The following ZBTB38 variants were observed in gnomAD, a reference collection of about 807,000 sequenced individuals.
The protein encoded by ZBTB38 is zinc finger and BTB domain-containing protein 38.
Under a neutral mutation model 76.8 loss-of-function variants are expected in ZBTB38, and 20 were observed. That is an observed-to-expected ratio of 0.26 (90% CI 0.18 to 0.38). The LOEUF (loss-of-function observed/expected upper bound fraction) is 0.38. ZBTB38 is among the 10% of genes least tolerant of loss of function. The pLI, the probability that ZBTB38 is intolerant of heterozygous loss-of-function variation, is 1.00. For synonymous variants in ZBTB38, 504 were observed against 544.2 expected (o/e 0.93, Z 1.03); for missense variants, 1,082 against 1,482.3 (o/e 0.73, Z 4.43).
chr3:141,332,300 C>T (rs1942878897), intron 1 of ZBTB38, among the ~76,000 whole-genome samples: 1 of 152,204 alleles, frequency 6.6e-6, no homozygotes, highest in Non-Finnish European at 1.5e-5. Flanking sequence ...TGAGTGCACC[C>T]AGACAGTTCC....
Position 141,413,304 on chromosome 3 carries a change from C to T in ZBTB38, c.-1+9273C>T, listed in dbSNP as rs547709221. ...CTGCAGGAGGTCCTCACACCCCAGA[C>T]GGTCAGAATGCTCCCCAGACTGAGG... is the stretch of plus-strand genomic sequence containing the variant. On this transcript the variant is annotated intron_variant, in intron 5 of 5. Coordinates refer to ENST00000321464, the MANE Select transcript of ZBTB38 (RefSeq NM_001376113.1). This position sits in a 1 kb window ranked among gnomAD's most constrained non-coding sequence, Gnocchi z 4.1. Among the ~76,000 whole-genome samples, 20 of 152,306 alleles carry T rather than the reference C, an allele frequency of 1.3e-4. No homozygotes were observed. The East Asian group carries it at 3.1e-3, about 23-fold the overall frequency.
At chr3:141,352,047 C>G (rs1559917223) in intron 1 of ZBTB38, among the ~76,000 whole-genome samples, 1 of 152,068 alleles carries the variant, frequency 6.6e-6, no homozygotes, top group Non-Finnish European at 1.5e-5. Flanking sequence ...TTCATTTACC[C>G]AATAAATATG....
At chr3:141,365,255 T>C (rs1943932607), upstream of ZBTB38, among the ~76,000 whole-genome samples, 1 of 152,254 alleles carries the variant, frequency 6.6e-6, no homozygotes, top group African/African-American at 2.4e-5. Context: ...GTTCATTTGC[T>C]GTTGCTTAAA....
rs1305472076 is a variant in ZBTB38, at chr3:141,444,338, A to C, written c.1950A>C (p.Ala650=). 1.2e-6 allele frequency: 2 copies of C among 1,614,236 alleles called. No individual in the cohort carries two copies. Among genetic ancestry groups the C allele is most frequent in the Non-Finnish European group, 1.7e-6 (2 of 1,180,040 alleles). ...CCACTTCTGCCAATGTACAAAATGC[A>C]GAGGGTACCAAATGGGGAGAGGAGG... ...DIPTSANVQN[A]EGTKWGEEAL... The change falls in exon 6 of 6, where the codon GCA becomes GCC. Residue 650 remains alanine, a synonymous_variant. Transcript: ENST00000321464. The surrounding 1 kb of genome is among the most constrained non-coding windows in gnomAD (Gnocchi z 5.1).
intron 1 of ZBTB38, among the ~76,000 whole-genome samples, chr3:141,344,794 C>A (rs1480560545): frequency 6.6e-6 from 1 of 152,226 alleles, no homozygotes; most frequent in Non-Finnish European, 1.5e-5. Context: ...TTATATTATG[C>A]TTATTCAGAT....
chr3:141,399,453 CACA>C (rs1469542300), intron 4 of ZBTB38, among the ~76,000 whole-genome samples: 6 of 152,190 alleles, frequency 3.9e-5, no homozygotes, highest in Non-Finnish European at 7.3e-5. Context: ...ACACATCACA[CACA>C]ACAAGTAGCC....
At chr3:141,427,934 G>A (rs1036634329) in intron 5 of ZBTB38, 1 of 152,214 alleles carries the variant, frequency 6.6e-6, no homozygotes, top group African/African-American at 2.4e-5. Flanking sequence ...TGGGCTGTGG[G>A]GCAGACACAG....
In ZBTB38 at chr3:141,355,435, G is replaced by A. The variant is rs143135485; in HGVS notation, c.-738-13186G>A. 2.4e-3 allele frequency among the ~76,000 whole-genome samples: 362 copies of A among 152,156 alleles called. 3 individuals are homozygous for A. Among genetic ancestry groups the A allele is most frequent in the African/African-American group, 8.3e-3 (343 of 41,498 alleles). ...TGATTCATAGACCGTGGTGGTTGTC[G>A]TGGTAACCGCTACTCCTGCTACTCC... On this transcript the variant is annotated intron_variant, in intron 1 of 7. Transcript: ENST00000509842.
chr3:141,407,291 A>C (rs1954882637), intron 5 of ZBTB38, among the ~76,000 whole-genome samples: 1 of 152,236 alleles, frequency 6.6e-6, no homozygotes, highest in Non-Finnish European at 1.5e-5. Flanking sequence ...AGATAAATCT[A>C]GTTTCACAAC....
intron 1 of ZBTB38, among the ~76,000 whole-genome samples, chr3:141,369,671 A>G (rs1308309763): frequency 6.6e-6 from 1 of 152,194 alleles, no homozygotes; most frequent in Non-Finnish European, 1.5e-5. Flanking sequence ...TCTGTTCTTC[A>G]GAAATTCTAT....
chr3:141,425,293 C>A (rs1433401315), intron 5 of ZBTB38, among the ~76,000 whole-genome samples: 1 of 152,166 alleles, frequency 6.6e-6, no homozygotes, highest in Non-Finnish European at 1.5e-5. Context: ...TTTTCTATGC[C>A]CCCATCATAT....
intron 5 of ZBTB38, among the ~76,000 whole-genome samples, chr3:141,423,723 A>T (rs1054171724): frequency 1.3e-5 from 2 of 152,244 alleles, no homozygotes; most frequent in South Asian, 4.1e-4. Flanking sequence ...CACAATAAAC[A>T]TGCCAAATCC....
rs757177732 is a variant in ZBTB38, at chr3:141,445,051, C to T, written c.2663C>T (p.Pro888Leu). ...GACCCAGAACCCAGTGGAGACAGCC[C>T]ACTCGGGCTTTGCCAATCCGAGTGC... ...GNDPEPSGDSPLGLCQSECME... is the reference protein window; with the variant it reads ...GNDPEPSGDSLLGLCQSECME... The change falls in exon 6 of 6, where the codon CCA (proline) becomes CTA (leucine). Residue 888 changes from proline (P) to leucine (L), a missense_variant. Physicochemically the swap from Pro to Leu is moderately conservative, Grantham distance 98 (BLOSUM62 -3). This residue lies in a region of ZBTB38 where 471 missense variants were observed against 581.0 expected (regional missense o/e 0.81). Coordinates refer to ENST00000321464, the MANE Select transcript of ZBTB38 (RefSeq NM_001376113.1). The surrounding 1 kb of genome is among the most constrained non-coding windows in gnomAD (Gnocchi z 6.5). The T allele has an allele frequency of 1.9e-6, 3 of 1,614,180 alleles. No homozygotes were observed. In the Admixed American group the frequency reaches 5.0e-5, roughly 27 times the overall value.
rs117018339 is a variant in ZBTB38, at chr3:141,385,550, G to A, written c.-171-1322G>A. Among the ~76,000 whole-genome samples, 1,282 of 152,048 alleles carry A rather than the reference G, an allele frequency of 8.4e-3. 12 individuals are homozygous for A. Among genetic ancestry groups the A allele is most frequent in the Non-Finnish European group, 0.014 (962 of 67,992 alleles). ...GTGACACTGGTTTTGCAGCAAAACC[G>A]TATTTGCTTATTAGGCATTTCTTAA... On this transcript the variant is annotated intron_variant, in intron 3 of 5. Coordinates refer to ENST00000321464, the MANE Select transcript of ZBTB38 (RefSeq NM_001376113.1).
At position 141,444,360 on chromosome 3, in the gene ZBTB38, G is replaced by C. The variant is rs2080801984; in HGVS notation, c.1972G>C (p.Glu658Gln). ...TGCAGAGGGTACCAAATGGGGAGAG[G>C]AGGCATTGAAAATGGATCTTGACAA... is the stretch of plus-strand genomic sequence containing the variant. The part of the protein sequence containing the change: ...QNAEGTKWGE[E>Q]ALKMDLDNNF... Residue 658 changes from glutamate to glutamine, a missense_variant, in exon 6 of 6, where the codon GAG (glutamate) becomes CAG (glutamine). This residue lies in a region of ZBTB38 where 471 missense variants were observed against 581.0 expected (regional missense o/e 0.81). Coordinates refer to ENST00000321464, the MANE Select transcript of ZBTB38 (RefSeq NM_001376113.1). The surrounding 1 kb of genome is among the most constrained non-coding windows in gnomAD (Gnocchi z 5.1). 6.2e-7 allele frequency: 1 copy of C among 1,614,068 alleles called. No individual in the cohort carries two copies. The highest frequency in any genetic ancestry group is 1.3e-5 in the African/African-American group (1 of 74,936).
chr3:141,401,427 T>C (rs970811790), intron 4 of ZBTB38, among the ~76,000 whole-genome samples: 4 of 152,188 alleles, frequency 2.6e-5, no homozygotes, highest in Non-Finnish European at 4.4e-5. Flanking sequence ...CTGGAGTCAA[T>C]ATATTTTTCC....
At position 141,407,258 on chromosome 3, in the gene ZBTB38, A is replaced by G. The variant is rs548104993; in HGVS notation, c.-1+3227A>G. Among the ~76,000 whole-genome samples the G allele has an allele frequency of 5.3e-4, 80 of 152,360 alleles. No individual in the cohort carries two copies. The South Asian group carries it at 7.0e-3, about 13-fold the overall frequency. On this transcript the variant is annotated intron_variant, in intron 5 of 5. Transcript: ENST00000321464. ...TTTCACGTGCATATGAGCTTAGTAC[A>G]ATGGAATGAGGAGACCGGGGTCAGA...
intron 5 of ZBTB38, among the ~76,000 whole-genome samples, chr3:141,417,753 A>G (rs993994665): frequency 6.6e-6 from 1 of 152,072 alleles, no homozygotes; most frequent in African/African-American, 2.4e-5. Context: ...GCAGTGGCTC[A>G]CACCTGTAAT....
In ZBTB38 at chr3:141,442,960, AG is replaced by A; in HGVS notation, c.574del (p.Val192SerfsTer5). 6.2e-7 allele frequency: 1 copy of A among 1,614,260 alleles called. No homozygotes were observed. Among genetic ancestry groups the A allele is most frequent in the Non-Finnish European group, 8.5e-7 (1 of 1,180,038 alleles). Reference sequence around the variant, plus strand: ...CTGGACTTGAGGGCAAGTTTCAAAAAGGTCTCCGACTCCATGAGAACAGCTA... The same window carrying A: ...CTGGACTTGAGGGCAAGTTTCAAAAAGTCTCCGACTCCATGAGAACAGCTA... ...SPLDLRASFK[K>X]VSDSMRTASL... On this transcript the variant is annotated frameshift_variant, in exon 6 of 6. Transcript: ENST00000321464. LOFTEE classifies it high-confidence loss of function. The surrounding 1 kb of genome is among the most constrained non-coding windows in gnomAD (Gnocchi z 6.4).
Sources: allele counts gnomAD v4.1 joint callset (sites outside exome capture counted in the v4.1 genomes callset), GRCh38; gene constraint gnomAD v4.1.1; regional missense constraint gnomAD v4.1.1; non-coding constraint Gnocchi (gnomAD v3.1); transcripts MANE v1.5; gene names NCBI Gene and HGNC (gene_info 2026-07-23, HGNC 2026-07-21).